The following OSGIN2 variants were observed in gnomAD, a reference collection of about 807,000 sequenced individuals.
OSGIN2 encodes the protein oxidative stress induced growth inhibitor family member 2.
OSGIN2 carries 19 observed loss-of-function variants against 53.8 expected under a neutral mutation model. The observed-to-expected ratio is 0.35, with a 90% CI of 0.25 to 0.52. OSGIN2 has a LOEUF of 0.52. Ranked by LOEUF, OSGIN2 falls within the 20% of genes least tolerant of loss-of-function variation. OSGIN2 has a pLI of 0.95. For missense variants in OSGIN2, 520 were observed against 662.7 expected (o/e 0.78, Z 2.36); for synonymous variants, 236 against 236.0 (o/e 1.00, Z 0.00).
chr8:89,925,938 T>C lies in OSGIN2; in HGVS notation c.*406T>C, dbSNP rs1174797935. 1 of 169,824 alleles carries C rather than the reference T, an allele frequency of 5.9e-6. No individual in the cohort carries two copies. The highest frequency in any genetic ancestry group is 1.3e-5 in the Non-Finnish European group (1 of 77,196). 10.5% of individuals were successfully genotyped at this position (169,824 alleles called of 1,614,324 possible). ...ATGGGTCACCTTGCTGTTCAAAGGG[T>C]GGTGCAAGGTCCTGCAGCATCTTAC... is the stretch of plus-strand genomic sequence containing the variant. On this transcript the variant is annotated 3_prime_UTR_variant, in exon 6 of 6. Transcript: ENST00000451899.
At chr8:89,905,244 A>G (rs531953191) in intron 1 of OSGIN2, among the ~76,000 whole-genome samples, 1 of 152,222 alleles carries the variant, frequency 6.6e-6, no homozygotes, top group Non-Finnish European at 1.5e-5. Flanking sequence ...TTAAATGTCA[A>G]ATAGGCTTTT....
chr8:89,902,135 C>T (rs1220282723), upstream of OSGIN2: 1 of 152,264 alleles, frequency 6.6e-6, no homozygotes, highest in African/African-American at 2.4e-5. Context: ...GGTGGGTTCT[C>T]AGGCGTGGGA....
Position 89,925,731 on chromosome 8 carries a change from C to T in OSGIN2, c.*199C>T, listed in dbSNP as rs1809311178. The T allele has an allele frequency of 1.4e-5, 7 of 483,534 alleles. No homozygotes were observed. The South Asian group carries it at 2.9e-4, about 20-fold the overall frequency. The allele number at this position is 483,534 out of a possible 1,614,324, so 30.0% of individuals were successfully genotyped here. On this transcript the variant is annotated 3_prime_UTR_variant, in exon 6 of 6. Transcript: ENST00000451899. ...GTGTTTCAAAGGTGTCACTGTCAGA[C>T]AAATAGAAACACTGCCAACTTGGTG...
intron 5 of OSGIN2, among the ~76,000 whole-genome samples, chr8:89,923,896 T>TAAAG (rs72563790): frequency 0.16 from 24,494 of 151,972 alleles, 4,745 homozygotes; most frequent in African/African-American, 0.47. Flanking sequence ...AAGTTTTTCA[T>TAAAG]AACAGTTATG....
At chr8:89,902,021 G>A (rs897271979), upstream of OSGIN2, 1 of 152,366 alleles carries the variant, frequency 6.6e-6, no homozygotes, top group African/African-American at 2.4e-5. Context: ...CCGGGCACCT[G>A]TGGTTTGGTG....
intron 1 of OSGIN2, 64 bp from the exon 2 acceptor site, chr8:89,909,503 A>G: frequency 1.2e-6 from 1 of 831,266 alleles, no homozygotes; most frequent in South Asian, 2.9e-5. Context: ...CGGAGTAGAG[A>G]TTGATTTTTA....
chr8:89,912,127 G>A (rs1808980882), intron 2 of OSGIN2, among the ~76,000 whole-genome samples: 1 of 152,214 alleles, frequency 6.6e-6, no homozygotes, highest in South Asian at 2.1e-4. Flanking sequence ...TAAGGAACAG[G>A]ATTTTTTCTT....
Position 89,914,574 on chromosome 8 carries a change from A to C in OSGIN2, c.356A>C (p.Glu119Ala). 2 of 1,613,788 alleles carry C rather than the reference A, an allele frequency of 1.2e-6. No individual in the cohort carries two copies. Among genetic ancestry groups the C allele is most frequent in the Non-Finnish European group, 1.7e-6 (2 of 1,179,754 alleles). Residue 119 changes from glutamate to alanine, a missense_variant, in exon 4 of 6, where the codon GAG (glutamate) becomes GCG (alanine). Coordinates refer to ENST00000451899, the MANE Select transcript of OSGIN2 (RefSeq NM_001126111.3). ...ATTCAGGACTTAGAATACTTGTCTG[A>C]GGGCCTTGAGGGCCGATCATCCAAT... The part of the protein sequence containing the change: ...IVDQDLEYLS[E>A]GLEGRSSNPV...
intron 5 of OSGIN2, among the ~76,000 whole-genome samples, chr8:89,922,830 A>G (rs1443226424): frequency 6.6e-6 from 1 of 152,164 alleles, no homozygotes; most frequent in Non-Finnish European, 1.5e-5. Context: ...ATAGCCTACT[A>G]TACCCTTAGG....
Position 89,925,278 on chromosome 8 carries a change from C to A in OSGIN2, c.1396C>A (p.Leu466Met). Residue 466 changes from leucine to methionine, a missense_variant, in exon 6 of 6, where the codon CTG (leucine) becomes ATG (methionine). By Grantham distance (15) the Leu-to-Met change is conservative (BLOSUM62 2). Coordinates refer to ENST00000451899, the MANE Select transcript of OSGIN2 (RefSeq NM_001126111.3). ...LIGSHPNLSF[L>M]KDQGCYLGHK... ...AGGTTCTCATCCTAATCTGTCTTTT[C>A]TGAAGGATCAAGGGTGTTACCTAGG... The A allele has an allele frequency of 6.2e-7, 1 of 1,614,152 alleles. No homozygotes were observed. Among genetic ancestry groups the A allele is most frequent in the Non-Finnish European group, 8.5e-7 (1 of 1,180,004 alleles).
intron 1 of OSGIN2, 24 bp from the exon 2 acceptor site, chr8:89,909,543 A>AT (rs1489642713): frequency 1.2e-5 from 15 of 1,302,698 alleles, no homozygotes; most frequent in Non-Finnish European, 1.6e-5. Context: ...ATCTCTTTTT[A>AT]TTCCCCCTTT....
intron 4 of OSGIN2, 83 bp from the exon 5 acceptor site, chr8:89,920,997 G>T: frequency 1.3e-6 from 1 of 784,950 alleles, no homozygotes; most frequent in South Asian, 1.7e-5. Context: ...TAAATGAGAT[G>T]GATATGGTTA....
At chr8:89,921,978 C>CAA (rs34155159) in intron 5 of OSGIN2, among the ~76,000 whole-genome samples, 24 of 145,280 alleles carry the variant, frequency 1.7e-4, no homozygotes, top group South Asian at 1.1e-3. Context: ...GACTCTGTCT[C>CAA]AAAAAAAAAA....
chr8:89,911,627 T>TA lies in OSGIN2; in HGVS notation c.199+1923dup, dbSNP rs76846705. ...CTTGGGCGACAAGTGAAACTCTGTC[T>TA]AAAAAAAAAAAAAAAAAGAAAAGAG... is the stretch of plus-strand genomic sequence containing the variant. On this transcript the variant is annotated intron_variant, in intron 2 of 5. Transcript: ENST00000451899. 8.7e-3 allele frequency among the ~76,000 whole-genome samples: 815 copies of TA among 93,910 alleles called. 2 individuals are homozygous for TA. Among genetic ancestry groups the TA allele is most frequent in the East Asian group, 0.03 (106 of 3,498 alleles). The allele number at this position is 93,910 out of a possible 152,430, so 61.6% of individuals were successfully genotyped here.
Position 89,925,555 on chromosome 8 carries a change from A to G in OSGIN2, c.*23A>G. The G allele has an allele frequency of 1.3e-6, 2 of 1,582,364 alleles. No individual in the cohort carries two copies. The highest frequency in any genetic ancestry group is 1.7e-6 in the Non-Finnish European group (2 of 1,157,444). Reference sequence around the variant, plus strand: ...TAAAGCAAGTTTACAAGTAATTAAAATGGACAGTTTGCCATTAAAGATTTT... The same window carrying G: ...TAAAGCAAGTTTACAAGTAATTAAAGTGGACAGTTTGCCATTAAAGATTTT... On this transcript the variant is annotated 3_prime_UTR_variant, in exon 6 of 6. Coordinates refer to ENST00000451899, the MANE Select transcript of OSGIN2 (RefSeq NM_001126111.3).
Position 89,921,148 on chromosome 8 carries a change from G to T in OSGIN2, c.597G>T (p.Lys199Asn). ...SWMELPGLKFKDWVSSKRRSL... is the reference protein window; with the variant it reads ...SWMELPGLKFNDWVSSKRRSL... Reference sequence around the variant, plus strand: ...TGGAACTACCTGGACTTAAATTTAAGGACTGGGTATCAAGTAAACGAAGGT... The same window carrying T: ...TGGAACTACCTGGACTTAAATTTAATGACTGGGTATCAAGTAAACGAAGGT... The change falls in exon 5 of 6, where the codon AAG becomes AAT. Residue 199 changes from lysine to asparagine, a missense_variant. Transcript: ENST00000451899. The T allele has an allele frequency of 1.9e-6, 3 of 1,597,864 alleles. 1 individual carries two copies. The South Asian group carries it at 3.4e-5, about 18-fold the overall frequency.
chr8:89,911,937 CAA>C lies in OSGIN2; in HGVS notation c.200-2129_200-2128del, dbSNP rs35376198. 2.0e-3 allele frequency among the ~76,000 whole-genome samples: 290 copies of C among 144,460 alleles called. 1 individual carries two copies. Among genetic ancestry groups the C allele is most frequent in the African/African-American group, 6.5e-3 (264 of 40,406 alleles). 94.8% of individuals were successfully genotyped at this position (144,460 alleles called of 152,430 possible). ...TGGGCGACAGAGCGAGACTCCGTCT[CAA>C]AAAAAAAAAAGATATAAAATTAGTT... On this transcript the variant is annotated intron_variant, in intron 2 of 5. Coordinates refer to ENST00000451899, the MANE Select transcript of OSGIN2 (RefSeq NM_001126111.3).
Position 89,909,550 on chromosome 8 carries a change from C to T in OSGIN2, c.45-17C>T, listed in dbSNP as rs1428230179. 258 of 1,072,176 alleles carry T rather than the reference C, an allele frequency of 2.4e-4. No individual in the cohort carries two copies. The highest frequency in any genetic ancestry group is 4.6e-4 in the Middle Eastern group (2 of 4,376). The allele number at this position is 1,072,176 out of a possible 1,614,324, so 66.4% of individuals were successfully genotyped here. Reference sequence around the variant, plus strand: ...TTGACTATATCTCTTTTTATTCCCCCTTTTTTTTTTTTAAAGAAACTATAG... The same window carrying T: ...TTGACTATATCTCTTTTTATTCCCCTTTTTTTTTTTTTAAAGAAACTATAG... On this transcript the variant is annotated splice_polypyrimidine_tract_variant and intron_variant, in intron 1 of 5. Transcript: ENST00000451899.
chr8:89,923,154 A>C (rs1233036971), intron 5 of OSGIN2, among the ~76,000 whole-genome samples: 1 of 152,116 alleles, frequency 6.6e-6, no homozygotes, highest in Non-Finnish European at 1.5e-5. Context: ...CACTTTATAA[A>C]CACTGCACAC....
Sources: gnomAD v4.1 joint callset for allele counts (sites outside exome capture counted in the v4.1 genomes callset) on GRCh38, gnomAD v4.1.1 for gene constraint, MANE v1.5 for transcripts, NCBI Gene and HGNC (gene_info 2026-07-23, HGNC 2026-07-21) for gene names.